The following POU6F2 variants were observed in gnomAD, a reference collection of about 807,000 sequenced individuals.
POU6F2 encodes POU class 6 homeobox 2, also known as POU domain, class 6, transcription factor 2.
Under a neutral mutation model 71.3 loss-of-function variants are expected in POU6F2, and 31 were observed. The observed-to-expected ratio is 0.43, with a 90% confidence interval of 0.33 to 0.59. The LOEUF is 0.59. Ranked by LOEUF, POU6F2 falls within the 20% of genes least tolerant of loss-of-function variation. The pLI, the probability that POU6F2 is intolerant of heterozygous loss-of-function variation, is 0.04. For synonymous variants in POU6F2, 347 were observed against 355.7 expected, an observed-to-expected ratio of 0.98 and a Z score of 0.27; for missense variants, 783 against 856.8, an observed-to-expected ratio of 0.91 and a Z score of 1.07.
intron 7 of POU6F2, among the ~76,000 whole-genome samples, chr7:39,448,534 C>G (rs1358540405): frequency 3.3e-5 from 5 of 152,142 alleles, no homozygotes. Flanking sequence ...TTTGACTCTC[C>G]TTTTGACTGT....
At chr7:39,359,661 A>G (rs1028909926) in intron 5 of POU6F2, among the ~76,000 whole-genome samples, 2 of 152,138 alleles carry the variant, frequency 1.3e-5, no homozygotes, top group Non-Finnish European at 2.9e-5. Flanking sequence ...TGCTTTCTGT[A>G]ACAGTTGATC....
intron 5 of POU6F2, among the ~76,000 whole-genome samples, chr7:39,379,220 T>A (rs1786775393): frequency 1.3e-5 from 2 of 152,178 alleles, no homozygotes. Flanking sequence ...AACAGACCTT[T>A]GGGATTTGTC....
intron 4 of POU6F2, among the ~76,000 whole-genome samples, chr7:39,326,313 G>A (rs568019086): frequency 2.6e-5 from 4 of 152,312 alleles, no homozygotes; most frequent in East Asian, 1.9e-4. Context: ...ACAAAGAACC[G>A]TTATCCAAGG....
At chr7:39,448,422 T>C (rs1028828840) in intron 7 of POU6F2, among the ~76,000 whole-genome samples, 18 of 152,216 alleles carry the variant, frequency 1.2e-4, no homozygotes, top group Non-Finnish European at 2.4e-4. Flanking sequence ...AACTGTTTGG[T>C]TGAACTCTAG....
intron 9 of POU6F2, among the ~76,000 whole-genome samples, chr7:39,462,916 T>C (rs905736496): frequency 4.6e-5 from 7 of 152,218 alleles, no homozygotes; most frequent in Non-Finnish European, 7.3e-5. Flanking sequence ...AATAAGATTG[T>C]GGCACATAAA....
chr7:39,397,255 G>C (rs1210917919), intron 5 of POU6F2, among the ~76,000 whole-genome samples: 1 of 151,816 alleles, frequency 6.6e-6, no homozygotes, highest in Non-Finnish European at 1.5e-5. Flanking sequence ...TCTCAGGACT[G>C]AGTCACCAGA....
In POU6F2 at chr7:39,232,381, A is replaced by G. The variant is rs184722461; in HGVS notation, c.598+24761A>G. ...ACCTGTTTCTATTCCAAACCAAAAT[A>G]AAACACTGACTCTTGATGAATGATC... On this transcript the variant is annotated intron_variant, in intron 4 of 9. Transcript: ENST00000518318. 1.2e-4 allele frequency among the ~76,000 whole-genome samples: 19 copies of G among 152,332 alleles called. No individual in the cohort carries two copies. In the East Asian group the frequency reaches 2.9e-3, roughly 23 times the overall value.
intron 4 of POU6F2, among the ~76,000 whole-genome samples, chr7:39,226,215 T>C (rs1327989187): frequency 6.6e-6 from 1 of 152,194 alleles, no homozygotes; most frequent in Admixed American, 6.5e-5. Context: ...GGAAGAATTC[T>C]GTGACATTTT....
intron 4 of POU6F2, among the ~76,000 whole-genome samples, chr7:39,228,191 G>A (rs183122230): frequency 1.1e-4 from 17 of 152,188 alleles, no homozygotes; most frequent in African/African-American, 3.1e-4. Flanking sequence ...TCAAATCACC[G>A]GCTCAAAATA....
At chr7:39,378,611 G>A (rs1786757965) in intron 5 of POU6F2, among the ~76,000 whole-genome samples, 1 of 152,124 alleles carries the variant, frequency 6.6e-6, no homozygotes, top group Non-Finnish European at 1.5e-5. Flanking sequence ...GCTAGTTTCT[G>A]CTTCTGAAAA....
chr7:39,337,967 A>G (rs1384467172), intron 4 of POU6F2, among the ~76,000 whole-genome samples: 1 of 152,228 alleles, frequency 6.6e-6, no homozygotes, highest in African/African-American at 2.4e-5. Flanking sequence ...GCCAACATCT[A>G]TCTGCCAATA....
At chr7:39,063,905 T>C (rs980891235) in intron 1 of POU6F2, among the ~76,000 whole-genome samples, 12 of 152,104 alleles carry the variant, frequency 7.9e-5, no homozygotes, top group African/African-American at 2.7e-4. Context: ...ATAACAAATT[T>C]AGTTAGTGAA....
chr7:39,242,228 G>C (rs988416333), intron 4 of POU6F2, among the ~76,000 whole-genome samples: 1 of 152,040 alleles, frequency 6.6e-6, no homozygotes, highest in African/African-American at 2.4e-5. Context: ...TAAATACTTA[G>C]GAGTGGAATT....
chr7:39,423,445 C>A (rs1239315664), intron 6 of POU6F2, among the ~76,000 whole-genome samples: 2 of 152,192 alleles, frequency 1.3e-5, no homozygotes, highest in East Asian at 3.9e-4. Context: ...CCATGCCAGG[C>A]ACACAGGAGG....
chr7:39,419,125 A>T (rs1429500975), intron 6 of POU6F2, among the ~76,000 whole-genome samples: 1 of 135,498 alleles, frequency 7.4e-6, no homozygotes, highest in Non-Finnish European at 1.5e-5. Context: ...ATATATGTGT[A>T]TATATACACA....
chr7:39,079,842 C>T (rs182111828), intron 1 of POU6F2, among the ~76,000 whole-genome samples: 114 of 152,206 alleles, frequency 7.5e-4, no homozygotes, highest in African/African-American at 2.6e-3. Context: ...CAAAGGTGTG[C>T]ATGTATACGC....
At chr7:39,148,133 C>G (rs557352235) in intron 2 of POU6F2, among the ~76,000 whole-genome samples, 1 of 152,308 alleles carries the variant, frequency 6.6e-6, no homozygotes, top group South Asian at 2.1e-4. Context: ...AGCAGAAAAG[C>G]TGGCACAGAA....
At chr7:39,393,607 A>G (rs1787116659) in intron 5 of POU6F2, among the ~76,000 whole-genome samples, 1 of 152,212 alleles carries the variant, frequency 6.6e-6, no homozygotes, top group Non-Finnish European at 1.5e-5. Flanking sequence ...GCGGCAGACC[A>G]ACAACAAATG....
chr7:39,077,536 C>G (rs1384134330), intron 1 of POU6F2, among the ~76,000 whole-genome samples: 1 of 152,086 alleles, frequency 6.6e-6, no homozygotes, highest in Non-Finnish European at 1.5e-5. Context: ...GGAGTAGGCT[C>G]TAGAGTATAA....
Sources: gnomAD v4.1 joint callset for allele counts (sites outside exome capture counted in the v4.1 genomes callset) on GRCh38, gnomAD v4.1.1 for gene constraint, MANE v1.5 for transcripts, NCBI Gene and HGNC (gene_info 2026-07-23, HGNC 2026-07-21) for gene names.